The following NCKAP5 variants were observed in gnomAD, a reference collection of about 807,000 sequenced individuals.
NCKAP5 encodes the protein NCK associated protein 5, also known as nck-associated protein 5.
A neutral mutation model predicts 167.0 loss-of-function variants in NCKAP5; 92 were observed. The ratio of observed to expected loss-of-function variants is 0.55; its 90% CI spans 0.47 to 0.66. The LOEUF is 0.66. Ranked by LOEUF, NCKAP5 falls within the 30% of genes least tolerant of loss-of-function variation. The pLI, the probability that NCKAP5 is intolerant of heterozygous loss-of-function variation, is 0.00. For missense variants in NCKAP5, 2,378 were observed against 2,315.0 expected, an observed-to-expected ratio of 1.03 and a Z score of -0.56; for synonymous variants, 891 against 877.4, an observed-to-expected ratio of 1.02 and a Z score of -0.27.
At chr2:133,130,467 T>G (rs1386571912) in intron 5 of NCKAP5, among the ~76,000 whole-genome samples, 1 of 152,216 alleles carries the variant, frequency 6.6e-6, no homozygotes, top group Non-Finnish European at 1.5e-5. Flanking sequence ...AGTAAGATTA[T>G]TACCTGTTCA....
chr2:132,696,133 C>A (rs1201352904), intron 19 of NCKAP5, among the ~76,000 whole-genome samples: 3 of 152,150 alleles, frequency 2.0e-5, no homozygotes, highest in Non-Finnish European at 4.4e-5. Flanking sequence ...AGGGACACAG[C>A]CTGACCAAAC....
At chr2:133,417,719 A>G (rs148625616) in intron 3 of NCKAP5, among the ~76,000 whole-genome samples, 1 of 151,470 alleles carries the variant, frequency 6.6e-6, no homozygotes, top group East Asian at 2.0e-4. Flanking sequence ...AGGACCTGGG[A>G]GCAAAGGCTA....
At chr2:132,888,401 C>CT (rs907042148) in intron 8 of NCKAP5, among the ~76,000 whole-genome samples, 6 of 151,924 alleles carry the variant, frequency 3.9e-5, no homozygotes, top group Admixed American at 6.6e-5. Context: ...TTTCTTCTTT[C>CT]TTTTTTTTGA....
At chr2:133,352,130 C>T (rs1684405347) in intron 3 of NCKAP5, among the ~76,000 whole-genome samples, 2 of 152,148 alleles carry the variant, frequency 1.3e-5, no homozygotes, top group Admixed American at 6.5e-5. Flanking sequence ...TCAATGGAGA[C>T]CCTGTCACCA....
chr2:132,740,135 CTTTGAAACTCAAA>C, intron 16 of NCKAP5, among the ~76,000 whole-genome samples: 1 of 152,214 alleles, frequency 6.6e-6, no homozygotes, highest in East Asian at 1.9e-4. Flanking sequence ...AAATAGAAAA[CTTTGAAACTCAAA>C]CTTTTTCACT....
intron 2 of NCKAP5, among the ~76,000 whole-genome samples, chr2:133,525,218 C>G (rs13012085): frequency 0.059 from 8,963 of 152,264 alleles, 350 homozygotes; most frequent in Non-Finnish European, 0.081. Context: ...GAAATAGTCT[C>G]AGAGAGACAT....
intron 4 of NCKAP5, among the ~76,000 whole-genome samples, chr2:133,299,311 G>A (rs1016386472): frequency 2.0e-5 from 3 of 152,294 alleles, no homozygotes; most frequent in South Asian, 2.1e-4. Flanking sequence ...GGCGCAACAA[G>A]AAGAGGCAAC....
chr2:132,790,265 C>A, intron 12 of NCKAP5, 60 bp from the exon 13 acceptor site: 1 of 1,456,322 alleles, frequency 6.9e-7, no homozygotes, highest in Non-Finnish European at 9.3e-7. Context: ...AATATCAACA[C>A]AACCTTATGG....
intron 6 of NCKAP5, among the ~76,000 whole-genome samples, chr2:133,023,157 A>T (rs1018458294): frequency 6.6e-6 from 1 of 152,174 alleles, no homozygotes; most frequent in Admixed American, 6.5e-5. Context: ...GAGACAATCA[A>T]TGTGTGTTTT....
At chr2:133,671,271 G>A in the NCKAP5 span, among the ~76,000 whole-genome samples, 2 of 151,524 alleles carry the variant, frequency 1.3e-5, no homozygotes, top group South Asian at 2.1e-4. Context: ...TTTGGTGGAG[G>A]AGATGAGAGC....
chr2:133,377,165 C>T (rs1330066432), intron 3 of NCKAP5, among the ~76,000 whole-genome samples: 1 of 152,124 alleles, frequency 6.6e-6, no homozygotes, highest in Non-Finnish European at 1.5e-5. Context: ...TGTAGCCATC[C>T]ACCAGACACC....
chr2:133,393,061 A>G (rs1377208368), intron 3 of NCKAP5, among the ~76,000 whole-genome samples: 1 of 152,238 alleles, frequency 6.6e-6, no homozygotes, highest in Admixed American at 6.5e-5. Context: ...ATCAAGAGCC[A>G]CTGACCGATT....
intron 2 of NCKAP5, chr2:133,556,710 G>A (rs1430743788): frequency 1.3e-5 from 2 of 152,212 alleles, no homozygotes; most frequent in Non-Finnish European, 2.9e-5. Context: ...TGTATTCAGT[G>A]AAGCCAAGTT....
Position 133,174,812 on chromosome 2 carries a change from C to T in NCKAP5, c.207+38904G>A, listed in dbSNP as rs144034976. On this transcript the variant is annotated intron_variant, in intron 5 of 19. Coordinates refer to ENST00000409261, the MANE Select transcript of NCKAP5 (RefSeq NM_207363.3). Reference sequence around the variant, plus strand: ...GGTGTTTAGAAACCAAGATTGGTCTCTAGCTGTACTCTCTGTAATGAATAA... The same window carrying T: ...GGTGTTTAGAAACCAAGATTGGTCTTTAGCTGTACTCTCTGTAATGAATAA... Among the ~76,000 whole-genome samples the T allele has an allele frequency of 6.4e-4, 97 of 151,864 alleles. 1 individual carries two copies. Among genetic ancestry groups the T allele is most frequent in the African/African-American group, 2.3e-3 (94 of 41,360 alleles).
the NCKAP5 span, among the ~76,000 whole-genome samples, chr2:133,635,838 T>A: frequency 2.0e-5 from 3 of 152,152 alleles, no homozygotes; most frequent in Non-Finnish European, 4.4e-5. Context: ...AAATCATGAA[T>A]GAAGTACTAA....
intron 4 of NCKAP5, among the ~76,000 whole-genome samples, chr2:133,270,478 G>T (rs886465301): frequency 1.3e-5 from 2 of 152,148 alleles, no homozygotes; most frequent in Non-Finnish European, 2.9e-5. Context: ...ATTAAGTAAA[G>T]GTTTGATGGA....
intron 3 of NCKAP5, among the ~76,000 whole-genome samples, chr2:133,313,679 T>A (rs1405367472): frequency 1.3e-5 from 2 of 152,106 alleles, no homozygotes; most frequent in Non-Finnish European, 2.9e-5. Context: ...AAATAAAAAC[T>A]AATTCAACTG....
At chr2:133,006,476 T>C (rs2077971155) in intron 6 of NCKAP5, among the ~76,000 whole-genome samples, 1 of 152,198 alleles carries the variant, frequency 6.6e-6, no homozygotes, top group Admixed American at 6.5e-5. Flanking sequence ...CCACATGCTG[T>C]CTGTCATGTT....
the NCKAP5 span, among the ~76,000 whole-genome samples, chr2:133,651,168 G>C: frequency 2.6e-5 from 4 of 152,134 alleles, no homozygotes; most frequent in African/African-American, 9.7e-5. Context: ...AAATAGACAA[G>C]TTGGACTTCT....
Sources: allele counts gnomAD v4.1 joint callset (sites outside exome capture counted in the v4.1 genomes callset), GRCh38; gene constraint gnomAD v4.1.1; transcripts MANE v1.5; gene names NCBI Gene and HGNC (gene_info 2026-07-23, HGNC 2026-07-21).